Variants in PUS3 observed in about 807,000 individuals in gnomAD.
PUS3 encodes the protein tRNA pseudouridine(38/39) synthase.
A neutral mutation model predicts 43.3 loss-of-function variants in PUS3; 36 were observed. The observed-to-expected ratio is 0.83, with a 90% CI of 0.64 to 1.10. PUS3 has a LOEUF of 1.10. Ranked by LOEUF, PUS3 falls within the 50% of genes least tolerant of loss-of-function variation. The pLI is 0.00. For synonymous variants in PUS3, 183 were observed against 199.2 expected (o/e 0.92, Z 0.69); for missense variants, 544 against 589.9 (o/e 0.92, Z 0.81).
At position 125,895,664 on chromosome 11, in the gene PUS3, G is replaced by A; in HGVS notation, c.504C>T (p.Leu168=). Residue 168 remains leucine (L), a synonymous_variant, in exon 3 of 4, where the codon CTC becomes CTT. Transcript: ENST00000227474. ...AGGCCAATATACGGATGTCTGGAGG[G>A]AGTACCCGATTGAGAATGTGGGTAT... ...IRYTHILNRV[L]PPDIRILAWA... 6.2e-7 allele frequency: 1 copy of A among 1,614,190 alleles called. No homozygotes were observed. Among genetic ancestry groups the A allele is most frequent in the African/African-American group, 1.3e-5 (1 of 75,058 alleles).
intron 1 of PUS3, among the ~76,000 whole-genome samples, chr11:125,901,456 G>C (rs1013450092): frequency 1.3e-5 from 2 of 152,144 alleles, no homozygotes; most frequent in African/African-American, 4.8e-5. Flanking sequence ...TGATATTTCT[G>C]ACCCAACGGG....
chr11:125,902,998 T>C (rs946679266), intron 1 of PUS3, among the ~76,000 whole-genome samples, 172 bp downstream of exon 1: 6 of 147,364 alleles, frequency 4.1e-5, no homozygotes, highest in Non-Finnish European at 8.9e-5. Context: ...AAAAGAAAAA[T>C]ACATGGTCTT....
intron 2 of PUS3, 51 bp downstream of exon 2, chr11:125,895,856 C>G: frequency 6.3e-7 from 1 of 1,589,696 alleles, no homozygotes; most frequent in Non-Finnish European, 8.5e-7. Context: ...GTGTGTATAC[C>G]TAGAATATCC....
Position 125,903,198 on chromosome 11 carries a change from C to A in PUS3, c.-75G>T. ...CCGGCAGCCGGCCGCGCCGCGTTTC[C>A]GAGAAAGGAAGCTGTCACTGTGCGT... On this transcript the variant is annotated 5_prime_UTR_variant, in exon 1 of 4. Coordinates refer to ENST00000227474, the MANE Select transcript of PUS3 (RefSeq NM_031307.4). 1.0e-6 allele frequency: 1 copy of A among 985,484 alleles called. No homozygotes were observed. Among genetic ancestry groups the A allele is most frequent in the Non-Finnish European group, 1.2e-6 (1 of 829,952 alleles). The allele number at this position is 985,484 out of a possible 1,614,324, so 61.0% of individuals were successfully genotyped here. A position where few individuals can be genotyped will look rare whatever the true frequency, so the allele number is the denominator to read the frequency against.
rs896308818 is a variant in PUS3 at position 125,893,526 on chromosome 11, C to T, written c.*259G>A. On this transcript the variant is annotated 3_prime_UTR_variant, in exon 4 of 4. Transcript: ENST00000227474. ...CTTTAATGAATTTGAATACAAGGCA[C>T]AGGTTTCCAGGTGTATGTAAATACA... 8 of 317,232 alleles carry T rather than the reference C, an allele frequency of 2.5e-5. No homozygotes were observed. The highest frequency in any genetic ancestry group is 4.6e-5 in the Non-Finnish European group (8 of 175,442). 19.7% of individuals were successfully genotyped at this position (317,232 alleles called of 1,614,324 possible).
chr11:125,895,952 A>G lies in PUS3; in HGVS notation c.333T>C (p.Tyr111=). ...CTTTATCTGTTCTCCCACATCGGTGATAGTTGGATGTCTGTCTGCTTTCTA... is the reference window on the plus strand; with the variant it reads ...CTTTATCTGTTCTCCCACATCGGTGGTAGTTGGATGTCTGTCTGCTTTCTA... ...RLVESRQTSN[Y]HRCGRTDKGV... Residue 111 remains tyrosine (Y), a synonymous_variant, in exon 2 of 4, where the codon TAT becomes TAC. Coordinates refer to ENST00000227474, the MANE Select transcript of PUS3 (RefSeq NM_031307.4). 6.2e-7 allele frequency: 1 copy of G among 1,614,010 alleles called. No individual in the cohort carries two copies. Among genetic ancestry groups the G allele is most frequent in the South Asian group, 1.1e-5 (1 of 91,086 alleles).
In PUS3 at chr11:125,900,097, G is replaced by A. The variant is rs764725785; in HGVS notation, c.-47+3073C>T. The A allele has an allele frequency of 5.0e-6, 8 of 1,614,054 alleles. No homozygotes were observed. In the African/African-American group the frequency reaches 1.1e-4, roughly 22 times the overall value. On this transcript the variant is annotated intron_variant, in intron 1 of 3. Coordinates refer to ENST00000227474, the MANE Select transcript of PUS3 (RefSeq NM_031307.4). ...AGGAATTACGCTGGGGTGTCCGAGA[G>A]CAGATGCTTTGTCGAGCAGAACCCC...
chr11:125,895,169 T>C, intron 3 of PUS3, 55 bp downstream of exon 3: 1 of 1,426,446 alleles, frequency 7.0e-7, no homozygotes, highest in South Asian at 1.4e-5. Flanking sequence ...GCCTCAAGCG[T>C]CCCGAGTAGC....
At chr11:125,895,841 A>T in intron 2 of PUS3, 52 bp from the exon 3 acceptor site, 1 of 1,583,720 alleles carries the variant, frequency 6.3e-7, no homozygotes, top group South Asian at 1.2e-5. Context: ...TAATCTCAGT[A>T]CTCAGTGTGT....
At chr11:125,902,029 CAA>C (rs1944786904) in intron 1 of PUS3, among the ~76,000 whole-genome samples, 1 of 152,102 alleles carries the variant, frequency 6.6e-6, no homozygotes, top group African/African-American at 2.4e-5. Flanking sequence ...CCAACATTAC[CAA>C]AGTCTCCAAA....
chr11:125,896,046 G>A lies in PUS3; in HGVS notation c.239C>T (p.Ala80Val). The change falls in exon 2 of 4, where the codon GCT (alanine) becomes GTT (valine). Residue 80 changes from alanine to valine, a missense_variant. Transcript: ENST00000227474. ...AYMGWGYQGF[A>V]SQENTNNTIE... is the part of the protein sequence containing the mutation. ...GGTATTATTTGTGTTTTCCTGACTA[G>A]CAAAGCCCTGGTATCCCCAGCCCAT... is the stretch of plus-strand genomic sequence containing the variant. The A allele has an allele frequency of 6.2e-7, 1 of 1,614,180 alleles. No individual in the cohort carries two copies. The highest frequency in any genetic ancestry group is 1.1e-5 in the South Asian group (1 of 91,074).
chr11:125,900,807 G>C lies in PUS3; in HGVS notation c.-47+2363C>G, dbSNP rs544710948. On this transcript the variant is annotated intron_variant, in intron 1 of 3. Coordinates refer to ENST00000227474, the MANE Select transcript of PUS3 (RefSeq NM_031307.4). ...GGGCGGATCACGAGGTCAGGAGATC[G>C]AGACCATCCTGGCTAACACGGCGAA... is the stretch of plus-strand genomic sequence containing the variant. 3.3e-4 allele frequency: 53 copies of C among 158,320 alleles called. 1 individual carries two copies. The South Asian group carries it at 9.5e-3, about 28-fold the overall frequency. 9.8% of individuals were successfully genotyped at this position (158,320 alleles called of 1,614,324 possible). A position where few individuals can be genotyped will look rare whatever the true frequency, so the allele number is the denominator to read the frequency against.
intron 2 of PUS3, 27 bp from the exon 3 acceptor site, chr11:125,895,816 T>C (rs1944566349): frequency 1.3e-6 from 2 of 1,581,364 alleles, no homozygotes; most frequent in Non-Finnish European, 1.7e-6. Context: ...AGATACTGGG[T>C]TTTAGAGACA....
In PUS3 at chr11:125,897,924, T is replaced by A. The variant is rs140492972; in HGVS notation, c.-46-1594A>T. 7.5e-3 allele frequency among the ~76,000 whole-genome samples: 1,150 copies of A among 152,340 alleles called. 17 individuals are homozygous for A. The highest frequency in any genetic ancestry group is 0.025 in the African/African-American group (1,027 of 41,568). On this transcript the variant is annotated intron_variant, in intron 1 of 3. Coordinates refer to ENST00000227474, the MANE Select transcript of PUS3 (RefSeq NM_031307.4). ...ATACTCGTGTTAGCATCAGTAAACC[T>A]ATAAACCTAAATTACACCAGTAAGG...
intron 3 of PUS3, among the ~76,000 whole-genome samples, chr11:125,894,502 T>C (rs1331067936): frequency 3.3e-5 from 5 of 152,204 alleles, no homozygotes; most frequent in African/African-American, 9.7e-5. Flanking sequence ...ACCTGATCTA[T>C]GTAAGGTAAA....
intron 1 of PUS3, among the ~76,000 whole-genome samples, chr11:125,902,887 A>G (rs11220269): frequency 2.1e-4 from 32 of 151,896 alleles, no homozygotes; most frequent in African/African-American, 6.8e-4. Flanking sequence ...GCACTTTTGT[A>G]CTCCACAGTA....
chr11:125,893,842 A>G lies in PUS3; in HGVS notation c.1389T>C (p.Asn463=), dbSNP rs377755194. 17 of 1,614,004 alleles carry G rather than the reference A, an allele frequency of 1.1e-5. No individual in the cohort carries two copies. Among genetic ancestry groups the G allele is most frequent in the African/African-American group, 1.3e-5 (1 of 74,992 alleles). ...AGACCCTCTTCGTTGGTGTCTCCAAATTAGTATTCTCTTCCTCTAGTGTGT... is the reference window on the plus strand; with the variant it reads ...AGACCCTCTTCGTTGGTGTCTCCAAGTTAGTATTCTCTTCCTCTAGTGTGT... ...CNDTLEEENT[N]LETPTKRVCV... Residue 463 remains asparagine, a synonymous_variant, in exon 4 of 4, where the codon AAT becomes AAC. Coordinates refer to ENST00000227474, the MANE Select transcript of PUS3 (RefSeq NM_031307.4).
intron 3 of PUS3, among the ~76,000 whole-genome samples, chr11:125,894,657 A>C (rs1489408027): frequency 1.3e-5 from 2 of 152,240 alleles, no homozygotes; most frequent in African/African-American, 4.8e-5. Context: ...TCTCAAATGA[A>C]AAATCTTGAC....
At chr11:125,900,257 T>A (rs1312526662) in intron 1 of PUS3, 1 of 1,614,156 alleles carries the variant, frequency 6.2e-7, no homozygotes. Context: ...CTTCCCTCTT[T>A]CTCCTTCTTA....
Sources: allele counts gnomAD v4.1 joint callset (sites outside exome capture counted in the v4.1 genomes callset), GRCh38; gene constraint gnomAD v4.1.1; transcripts MANE v1.5; gene names NCBI Gene and HGNC (gene_info 2026-07-23, HGNC 2026-07-21).